The following PLXNA1 variants were observed in gnomAD, a reference collection of about 807,000 sequenced individuals.
PLXNA1 encodes plexin-A1.
In PLXNA1, 77 loss-of-function variants were observed where a neutral mutation model predicts 191.7. That is an observed-to-expected ratio of 0.40 (90% confidence interval 0.33 to 0.49). The LOEUF (loss-of-function observed/expected upper bound fraction) is 0.49, where lower values mean the gene tolerates loss of function less well. Ranked by LOEUF, PLXNA1 falls within the 20% of genes least tolerant of loss-of-function variation. PLXNA1 has a pLI of 0.63. For synonymous variants in PLXNA1, 1,137 were observed against 1,156.4 expected, an observed-to-expected ratio of 0.98 and a Z score of 0.34; for missense variants, 2,110 against 2,660.2, an observed-to-expected ratio of 0.79 and a Z score of 4.55.
chr3:127,026,395 G>T (rs948890599), intron 23 of PLXNA1: 4 of 152,204 alleles, frequency 2.6e-5, no homozygotes, highest in African/African-American at 9.7e-5. Flanking sequence ...GTTTCTTGCT[G>T]TGTGACCTTG....
rs372634143 is a variant in PLXNA1 at position 127,028,357 on chromosome 3, A to G, written c.4669+17A>G. 988 of 1,603,772 alleles carry G rather than the reference A, an allele frequency of 6.2e-4. 1 individual carries two copies. Among genetic ancestry groups the G allele is most frequent in the Admixed American group, 1.3e-3 (78 of 59,116 alleles). On this transcript the variant is annotated intron_variant, in intron 25 of 31. Coordinates refer to ENST00000393409, the MANE Select transcript of PLXNA1 (RefSeq NM_032242.4). ...TGGACCTGGGTGAGCGGGCGGGGCC[A>G]CGGCTGCCCGGGGTGTGTGCTGGAG...
In PLXNA1 at chr3:127,015,317, C is replaced by A; in HGVS notation, c.3011C>A (p.Ser1004Tyr). The A allele has an allele frequency of 6.2e-7, 1 of 1,604,248 alleles. No individual in the cohort carries two copies. Among genetic ancestry groups the A allele is most frequent in the Non-Finnish European group, 8.5e-7 (1 of 1,177,408 alleles). The stretch of plus-strand genomic sequence containing the variant: ...GTCGGTGGCCGGCCCTGCTCCTTCT[C>A]CTGGTACGGGGTGCAGGTGGGGGTG... ...VSVGGRPCSF[S>Y]WRNSREIRCL... is the part of the protein sequence containing the mutation. The change falls in exon 15 of 32, where the codon TCC (serine) becomes TAC (tyrosine). Residue 1004 changes from serine to tyrosine, a missense_variant. Transcript: ENST00000393409.
chr3:127,018,419 T>A lies in PLXNA1; in HGVS notation c.3786T>A (p.Ala1262=). The A allele has an allele frequency of 6.2e-7, 1 of 1,613,054 alleles. No homozygotes were observed. The highest frequency in any genetic ancestry group is 8.5e-7 in the Non-Finnish European group (1 of 1,179,996). The change falls in exon 20 of 32, where the codon GCT becomes GCA. Residue 1262 remains alanine (A), a synonymous_variant. Coordinates refer to ENST00000393409, the MANE Select transcript of PLXNA1 (RefSeq NM_032242.4). ...GGGLLLLVIV[A]VLIAYKRKSR... is the part of the protein sequence containing the mutation. ...GTCTCCTGCTGCTGGTCATCGTGGC[T>A]GTGCTCATCGCCTACAAGCGCAAGT... is the stretch of plus-strand genomic sequence containing the variant.
At chr3:127,017,914 G>A in intron 19 of PLXNA1, 22 bp downstream of exon 19, 4 of 1,609,882 alleles carry the variant, frequency 2.5e-6, no homozygotes, top group Non-Finnish European at 3.4e-6. Context: ...CACCGGGGGT[G>A]CAGAGCTGGG....
In PLXNA1 at chr3:127,028,327, G is replaced by A. The variant is rs748397451; in HGVS notation, c.4656G>A (p.Ala1552=). The A allele has an allele frequency of 2.5e-5, 40 of 1,611,332 alleles. No individual in the cohort carries two copies. Among genetic ancestry groups the A allele is most frequent in the Non-Finnish European group, 2.8e-5 (33 of 1,179,644 alleles). ...GVPYSQRPKA[A]DMDLEWRQGR... ...CCTACTCCCAGCGGCCCAAGGCCGC[G>A]GACATGGACCTGGGTGAGCGGGCGG... is the stretch of plus-strand genomic sequence containing the variant. Residue 1552 remains alanine (A), a synonymous_variant, in exon 25 of 32, where the codon GCG becomes GCA. Transcript: ENST00000393409.
At chr3:126,994,053 G>C (rs1357542690) in intron 3 of PLXNA1, among the ~76,000 whole-genome samples, 1 of 152,156 alleles carries the variant, frequency 6.6e-6, no homozygotes, top group Non-Finnish European at 1.5e-5. Flanking sequence ...TGTGGCCTGG[G>C]GTGTGTGATG....
chr3:127,022,636 G>A (rs1029165874), intron 22 of PLXNA1, 116 bp from the exon 23 acceptor site: 11 of 1,000,578 alleles, frequency 1.1e-5, no homozygotes, highest in African/African-American at 7.9e-5. Context: ...CCTGACCTTC[G>A]GTGCTGTAGG....
In PLXNA1 at chr3:127,022,294, C is replaced by G; in HGVS notation, c.4248C>G (p.Ile1416Met). 1.2e-6 allele frequency: 2 copies of G among 1,613,054 alleles called. No individual in the cohort carries two copies. The highest frequency in any genetic ancestry group is 8.5e-7 in the Non-Finnish European group (1 of 1,179,498). ...GVLKQLLSDL[I>M]EKNLESKNHP... ...TCAAGCAGCTGCTTTCCGACCTCAT[C>G]GAGAAGAACCTGGAGAGCAAGAACC... The change falls in exon 22 of 32, where the codon ATC becomes ATG. Residue 1416 changes from isoleucine (I) to methionine (M), a missense_variant. Around this residue, in one of 4 missense-constraint regions of PLXNA1, gnomAD observed 559 missense variants for 911.5 expected, o/e 0.61. Transcript: ENST00000393409.
intron 22 of PLXNA1, 36 bp downstream of exon 22, chr3:127,022,377 G>T: frequency 6.3e-7 from 1 of 1,595,112 alleles, no homozygotes; most frequent in Non-Finnish European, 8.6e-7. Flanking sequence ...GGGGAGGCAG[G>T]CCCATGCCTC....
intron 3 of PLXNA1, among the ~76,000 whole-genome samples, chr3:126,998,351 G>C (rs2107624218): frequency 6.6e-6 from 1 of 152,294 alleles, no homozygotes; most frequent in East Asian, 1.9e-4. Context: ...TCACAGGATG[G>C]AGGAGAGAGG....
chr3:127,022,369 G>GGAGGC (rs1382164185), intron 22 of PLXNA1, 28 bp downstream of exon 22: 1 of 1,598,460 alleles, frequency 6.3e-7, no homozygotes, highest in African/African-American at 1.3e-5. Context: ...TGGGGTTGGG[G>GGAGGC]GAGGCAGGCC....
At chr3:127,022,572 T>C (rs1472523748) in intron 22 of PLXNA1, among the ~76,000 whole-genome samples, 180 bp from the exon 23 acceptor site, 2 of 150,368 alleles carry the variant, frequency 1.3e-5, no homozygotes, top group Non-Finnish European at 3.0e-5. Flanking sequence ...GACTGGGGTC[T>C]CCATGGCAGC....
At chr3:127,016,015 A>G (rs2079121546) in intron 15 of PLXNA1, among the ~76,000 whole-genome samples, 1 of 152,092 alleles carries the variant, frequency 6.6e-6, no homozygotes. Context: ...CTGGGCTCCC[A>G]GCACTCGGAG....
chr3:127,001,367 T>G (rs2079039106), intron 3 of PLXNA1, among the ~76,000 whole-genome samples: 1 of 152,000 alleles, frequency 6.6e-6, no homozygotes, highest in Admixed American at 6.6e-5. Flanking sequence ...TTGAGACACC[T>G]CTCAAGTGCT....
intron 2 of PLXNA1, among the ~76,000 whole-genome samples, chr3:126,990,641 A>T (rs1417449680): frequency 6.6e-6 from 1 of 152,138 alleles, no homozygotes; most frequent in Non-Finnish European, 1.5e-5. Context: ...GTAGTCTCCC[A>T]TGTCTGACCT....
intron 7 of PLXNA1, among the ~76,000 whole-genome samples, chr3:127,005,749 GGGACAGTCTCATGGGGACTTGGGGTGCA>G (rs1311315793): frequency 2.6e-5 from 4 of 152,100 alleles, no homozygotes; most frequent in African/African-American, 4.8e-5. Flanking sequence ...GGTTGGGTGG[GGGACAGTCTCATGGGGACTTGGGGTGCA>G]GGACCCCTCT....
chr3:127,003,554 G>A, intron 4 of PLXNA1, 84 bp downstream of exon 4: 1 of 1,433,550 alleles, frequency 7.0e-7, no homozygotes, highest in Non-Finnish European at 9.3e-7. Flanking sequence ...GTAGGGGTGG[G>A]GCCACATCAC....
At chr3:126,995,437 G>T (rs1465848867) in intron 3 of PLXNA1, among the ~76,000 whole-genome samples, 1 of 152,242 alleles carries the variant, frequency 6.6e-6, no homozygotes, top group Admixed American at 6.5e-5. Flanking sequence ...CTGCAGAGCG[G>T]GTGCTGTCCC....
chr3:127,004,556 T>A (rs903440646), intron 4 of PLXNA1, 55 bp from the exon 5 acceptor site: 1 of 1,248,202 alleles, frequency 8.0e-7, no homozygotes, highest in African/African-American at 1.5e-5. Flanking sequence ...GAGGTGAGGA[T>A]GGTCAAGGAC....
Sources: allele counts gnomAD v4.1 joint callset (sites outside exome capture counted in the v4.1 genomes callset), GRCh38; gene constraint gnomAD v4.1.1; regional missense constraint gnomAD v4.1.1; transcripts MANE v1.5; gene names NCBI Gene and HGNC (gene_info 2026-07-23, HGNC 2026-07-21).